PI4KB: variants seen among roughly 807,000 people sequenced by gnomAD.
PI4KB encodes PtdIns 4-kinase beta.
In PI4KB, 23 loss-of-function variants were observed where a neutral mutation model predicts 81.4. The ratio of observed to expected loss-of-function variants is 0.28; its 90% CI spans 0.20 to 0.40. PI4KB has a LOEUF of 0.40. Ranked by LOEUF, PI4KB falls within the 10% of genes least tolerant of loss-of-function variation. PI4KB has a pLI of 1.00. For synonymous variants in PI4KB, 381 were observed against 406.8 expected, an observed-to-expected ratio of 0.94 and a Z score of 0.76; for missense variants, 651 against 1,036.6, an observed-to-expected ratio of 0.63 and a Z score of 5.11.
chr1:151,293,450 C>CAA, intron 11 of PI4KB: 4 of 1,222,210 alleles, frequency 3.3e-6, no homozygotes, highest in Non-Finnish European at 4.2e-6. Context: ...TGATCCTGAG[C>CAA]AACGGCGACA....
At chr1:151,323,832 TAAG>T (rs1428686617) in intron 1 of PI4KB, among the ~76,000 whole-genome samples, 1 of 152,160 alleles carries the variant, frequency 6.6e-6, no homozygotes, top group Non-Finnish European at 1.5e-5. Flanking sequence ...CTGAGATAAT[TAAG>T]GAGGTTAACT....
intron 3 of PI4KB, 127 bp downstream of exon 3, chr1:151,310,084 A>G: frequency 1.5e-6 from 1 of 676,184 alleles, no homozygotes; most frequent in East Asian, 2.6e-5. Context: ...GGAGGAGCTG[A>G]TCTCCCAGTA....
intron 1 of PI4KB, chr1:151,326,301 G>C: frequency 1.1e-6 from 1 of 946,286 alleles, no homozygotes; most frequent in South Asian, 1.6e-5. Flanking sequence ...CTTCTGTCCT[G>C]AACGGCCTGA....
chr1:151,323,802 T>C (rs1331676174), intron 1 of PI4KB, among the ~76,000 whole-genome samples: 4 of 152,148 alleles, frequency 2.6e-5, no homozygotes, highest in Non-Finnish European at 4.4e-5. Context: ...TCTAAAGCTA[T>C]GGTGATAACC....
At chr1:151,321,130 A>AC (rs1648786138) in intron 1 of PI4KB, among the ~76,000 whole-genome samples, 1 of 152,176 alleles carries the variant, frequency 6.6e-6, no homozygotes, top group Non-Finnish European at 1.5e-5. Flanking sequence ...TTTGCTACTG[A>AC]ACAGACTCTC....
chr1:151,316,726 T>C (rs1393081504), intron 1 of PI4KB, among the ~76,000 whole-genome samples: 1 of 152,240 alleles, frequency 6.6e-6, no homozygotes, highest in Non-Finnish European at 1.5e-5. Flanking sequence ...ATTCCTCCTG[T>C]AGTTACTCAG....
intron 6 of PI4KB, 130 bp from the exon 7 acceptor site, chr1:151,302,428 G>C: frequency 1.5e-6 from 1 of 652,776 alleles, no homozygotes; most frequent in Non-Finnish European, 2.7e-6. Flanking sequence ...GGCTGAAAGG[G>C]ACTCATGGAA....
intron 1 of PI4KB, among the ~76,000 whole-genome samples, chr1:151,318,667 G>A (rs1166930880): frequency 2.0e-5 from 3 of 151,702 alleles, no homozygotes; most frequent in African/African-American, 4.8e-5. Flanking sequence ...AGCCGAGATC[G>A]CACCGCTGCA....
chr1:151,292,652 C>G lies in PI4KB; in HGVS notation c.*200G>C. On this transcript the variant is annotated 3_prime_UTR_variant, in exon 12 of 12. Coordinates refer to ENST00000368873, the MANE Select transcript of PI4KB (RefSeq NM_001369623.2). The stretch of plus-strand genomic sequence containing the variant: ...ACCAGGAGGGGCAGGGAAGCCCCAA[C>G]AAGTCTGGACCCCACAGCTGGCTCT... The G allele has an allele frequency of 1.7e-6, 1 of 583,572 alleles. No homozygotes were observed. The highest frequency in any genetic ancestry group is 3.0e-6 in the Non-Finnish European group (1 of 329,584). 36.1% of individuals were successfully genotyped at this position (583,572 alleles called of 1,614,324 possible). A position where few individuals can be genotyped will look rare whatever the true frequency, so the allele number is the denominator to read the frequency against.
Position 151,292,918 on chromosome 1 carries a change from G to A in PI4KB, c.2385C>T (p.Gly795=). 1 of 1,614,156 alleles carries A rather than the reference G, an allele frequency of 6.2e-7. No individual in the cohort carries two copies. Among genetic ancestry groups the A allele is most frequent in the Non-Finnish European group, 8.5e-7 (1 of 1,180,020 alleles). The change falls in exon 12 of 12, where the codon GGC becomes GGT. Residue 795 remains glycine, a synonymous_variant. Transcript: ENST00000368873. ...GTTTGGTGGTGATAGACCGCATACT[G>A]CCATCCACCATCTGCTCCACCAGCA... The part of the protein sequence containing the change: ...LQLLVEQMVD[G]SMRSITTKLY...
At position 151,316,373 on chromosome 1, in the gene PI4KB, C is replaced by A. The variant is rs568964666; in HGVS notation, c.109G>T (p.Val37Phe). Residue 37 changes from valine (V) to phenylalanine (F), a missense_variant, in exon 2 of 12, where the codon GTC becomes TTC. Val to Phe is a conservative substitution (Grantham distance 50, BLOSUM62 -1). Coordinates refer to ENST00000368873, the MANE Select transcript of PI4KB (RefSeq NM_001369623.2). ...GGGTCAATCACTGATAGTTCCCCGA[C>A]CCCCTCCGTGATGACACTTAGCAGG... ...GSLLSVITEG[V>F]GELSVIDPEV... 6.2e-7 allele frequency: 1 copy of A among 1,608,574 alleles called. No homozygotes were observed. Among genetic ancestry groups the A allele is most frequent in the African/African-American group, 1.3e-5 (1 of 74,870 alleles).
At position 151,306,208 on chromosome 1, in the gene PI4KB, G is replaced by A; in HGVS notation, c.1338C>T (p.Phe446=). The part of the protein sequence containing the change: ...GITHEQRAGS[F]STVPNYDNDD... ...CGTTGTCATAGTTGGGCACAGTGCTGAAGCTGCCAGCTCGCTGCTCATGGG... is the reference window on the plus strand; with the variant it reads ...CGTTGTCATAGTTGGGCACAGTGCTAAAGCTGCCAGCTCGCTGCTCATGGG... Residue 446 remains phenylalanine, a synonymous_variant, in exon 5 of 12, where the codon TTC becomes TTT. Coordinates refer to ENST00000368873, the MANE Select transcript of PI4KB (RefSeq NM_001369623.2). The A allele has an allele frequency of 6.2e-7, 1 of 1,614,174 alleles. No homozygotes were observed. Among genetic ancestry groups the A allele is most frequent in the Non-Finnish European group, 8.5e-7 (1 of 1,180,042 alleles).
intron 1 of PI4KB, among the ~76,000 whole-genome samples, chr1:151,320,028 T>C (rs1648609482): frequency 6.6e-6 from 1 of 152,162 alleles, no homozygotes; most frequent in Non-Finnish European, 1.5e-5. Flanking sequence ...TCTGAAATGT[T>C]AAGGTTACTT....
chr1:151,294,641 G>A, intron 9 of PI4KB, 100 bp from the exon 10 acceptor site: 1 of 1,145,216 alleles, frequency 8.7e-7, no homozygotes, highest in Non-Finnish European at 1.3e-6. Flanking sequence ...CCAGGGAGGG[G>A]GGTCCCCTGC....
intron 4 of PI4KB, 38 bp downstream of exon 4, chr1:151,307,536 C>A: frequency 7.1e-7 from 1 of 1,402,662 alleles, no homozygotes; most frequent in South Asian, 1.2e-5. Flanking sequence ...GGTGAAGAGT[C>A]ACGTCCAGGG....
At chr1:151,293,932 G>T in intron 11 of PI4KB, 86 bp downstream of exon 11, 2 of 1,487,436 alleles carry the variant, frequency 1.3e-6, no homozygotes, top group Non-Finnish European at 1.8e-6. Flanking sequence ...ACCGAGTCTC[G>T]TGGGATCAGC....
chr1:151,305,583 A>G (rs1464404246), intron 5 of PI4KB, among the ~76,000 whole-genome samples: 1 of 152,188 alleles, frequency 6.6e-6, no homozygotes, highest in African/African-American at 2.4e-5. Flanking sequence ...TCCTCCAGGA[A>G]ATCTCTTGTG....
rs776579808 is a variant in PI4KB, at chr1:151,294,036, C to T, written c.2251G>A (p.Val751Met). ...GCCCCACCTTGCTGCATGATCTCCA[C>T]GATCTGCACCACCTTGTCCATGTGT... ...RKHMDKVVQI[V>M]EIMQQGSQLP... The change falls in exon 11 of 12, where the codon GTG (valine) becomes ATG (methionine). Residue 751 changes from valine (V) to methionine (M), a missense_variant. Val to Met is a conservative substitution (Grantham distance 21). This residue lies in a region of PI4KB where 70 missense variants were observed against 108.1 expected (regional missense o/e 0.65). Coordinates refer to ENST00000368873, the MANE Select transcript of PI4KB (RefSeq NM_001369623.2). The T allele has an allele frequency of 1.9e-6, 3 of 1,614,098 alleles. No individual in the cohort carries two copies. The highest frequency in any genetic ancestry group is 2.2e-5 in the East Asian group (1 of 44,884).
In PI4KB at chr1:151,292,822, C is replaced by A; in HGVS notation, c.*30G>T. 1.2e-6 allele frequency: 2 copies of A among 1,601,346 alleles called. No individual in the cohort carries two copies. Among genetic ancestry groups the A allele is most frequent in the Non-Finnish European group, 1.7e-6 (2 of 1,171,140 alleles). On this transcript the variant is annotated 3_prime_UTR_variant, in exon 12 of 12. Transcript: ENST00000368873. ...GGCCCTCTAGGGAGGGTGCCCTGGA[C>A]CCCCCACCACTCCTGGGCTGAGGAG...
Sources: allele counts gnomAD v4.1 joint callset (sites outside exome capture counted in the v4.1 genomes callset), GRCh38; gene constraint gnomAD v4.1.1; regional missense constraint gnomAD v4.1.1; transcripts MANE v1.5; gene names NCBI Gene and HGNC (gene_info 2026-07-23, HGNC 2026-07-21).